Variants in ATP10B observed in about 807,000 individuals in gnomAD.
ATP10B encodes the protein phospholipid-transporting ATPase VB.
Under a neutral mutation model 141.2 loss-of-function variants are expected in ATP10B, and 122 were observed. The ratio of observed to expected loss-of-function variants is 0.86; its 90% CI spans 0.75 to 1.00. The LOEUF (loss-of-function observed/expected upper bound fraction) is 1.00. ATP10B is among the 50% of genes least tolerant of loss of function. ATP10B has a pLI of 0.00. For synonymous variants in ATP10B, 685 were observed against 692.0 expected, an observed-to-expected ratio of 0.99 and a Z score of 0.16; for missense variants, 1,876 against 1,825.3, an observed-to-expected ratio of 1.03 and a Z score of -0.51.
chr5:160,755,648 T>C (rs1768475498), intron 2 of ATP10B, among the ~76,000 whole-genome samples: 2 of 148,450 alleles, frequency 1.3e-5, no homozygotes, highest in African/African-American at 4.9e-5. Context: ...ACCCCGTCTC[T>C]ACTAAAAATA....
At chr5:160,893,465 G>C in the ATP10B span, among the ~76,000 whole-genome samples, 5 of 152,152 alleles carry the variant, frequency 3.3e-5, no homozygotes, top group African/African-American at 7.2e-5. Flanking sequence ...CTGCAGCGAT[G>C]CATAGCCACT....
intron 12 of ATP10B, chr5:160,634,080 C>T (rs1046111960): frequency 3.8e-5 from 20 of 526,018 alleles, no homozygotes; most frequent in Non-Finnish European, 6.2e-5. Flanking sequence ...AAACTCGTCT[C>T]ATAAAGTGCT....
At chr5:160,861,635 A>G in the ATP10B span, among the ~76,000 whole-genome samples, 1 of 151,878 alleles carries the variant, frequency 6.6e-6, no homozygotes, top group African/African-American at 2.4e-5. Context: ...GAAGACATTC[A>G]TAATTATTTA....
At chr5:160,782,252 C>A (rs931038238) in intron 2 of ATP10B, among the ~76,000 whole-genome samples, 2 of 152,134 alleles carry the variant, frequency 1.3e-5, no homozygotes, top group African/African-American at 4.8e-5. Flanking sequence ...GAACTGGCTC[C>A]TGCCCACAGG....
At chr5:160,652,310 G>A (rs1760797852) in intron 7 of ATP10B, among the ~76,000 whole-genome samples, 1 of 151,952 alleles carries the variant, frequency 6.6e-6, no homozygotes, top group Non-Finnish European at 1.5e-5. Flanking sequence ...CCTGCTGGCT[G>A]CAAAGACAAC....
At chr5:160,794,612 G>A (rs1771813724) in intron 1 of ATP10B, among the ~76,000 whole-genome samples, 1 of 152,146 alleles carries the variant, frequency 6.6e-6, no homozygotes, top group African/African-American at 2.4e-5. Context: ...TTTTGCAACA[G>A]AGGAAGCCTC....
At chr5:160,679,732 TGAATA>T (rs1763261643) in intron 6 of ATP10B, among the ~76,000 whole-genome samples, 1 of 152,226 alleles carries the variant, frequency 6.6e-6, no homozygotes. Context: ...GCTGAATAGA[TGAATA>T]AGTGAGTGAC....
chr5:160,750,187 C>T (rs990417069), intron 2 of ATP10B, among the ~76,000 whole-genome samples: 2 of 152,204 alleles, frequency 1.3e-5, no homozygotes, highest in Non-Finnish European at 2.9e-5. Flanking sequence ...TAGAATCACT[C>T]ATGCCATGTC....
intron 25 of ATP10B, among the ~76,000 whole-genome samples, chr5:160,567,567 G>A (rs1464576938): frequency 6.6e-6 from 1 of 152,126 alleles, no homozygotes; most frequent in African/African-American, 2.4e-5. Context: ...TAGTGGCTTG[G>A]GGGAAAGGTT....
At chr5:160,656,412 C>T (rs1478284322) in intron 7 of ATP10B, among the ~76,000 whole-genome samples, 1 of 152,172 alleles carries the variant, frequency 6.6e-6, no homozygotes, top group East Asian at 1.9e-4. Flanking sequence ...GTAATTCCTG[C>T]TACCAAGCTG....
At chr5:160,667,911 C>T (rs1290285172) in intron 7 of ATP10B, among the ~76,000 whole-genome samples, 3 of 151,970 alleles carry the variant, frequency 2.0e-5, no homozygotes, top group African/African-American at 7.3e-5. Context: ...AGTTTTACTG[C>T]TCCTAGAACT....
At chr5:160,678,552 G>A (rs150665428) in intron 6 of ATP10B, among the ~76,000 whole-genome samples, 2,074 of 152,190 alleles carry the variant, frequency 0.014, 42 homozygotes, top group African/African-American at 0.046. Context: ...CCAGCTACTC[G>A]GGAGGCTGAG....
chr5:160,804,691 C>T (rs1412592211), intron 1 of ATP10B, among the ~76,000 whole-genome samples: 1 of 152,144 alleles, frequency 6.6e-6, no homozygotes, highest in African/African-American at 2.4e-5. Context: ...CTGTGAGCTC[C>T]AGATTCAGTC....
chr5:160,895,828 C>T, the ATP10B span, among the ~76,000 whole-genome samples: 13 of 152,174 alleles, frequency 8.5e-5, no homozygotes, highest in South Asian at 8.3e-4. Context: ...TGCAAAAGAA[C>T]GGAAATCATA....
At chr5:160,606,017 G>T (rs982701703) in intron 19 of ATP10B, among the ~76,000 whole-genome samples, 7 of 152,020 alleles carry the variant, frequency 4.6e-5, no homozygotes, top group African/African-American at 1.7e-4. Context: ...AGTGAGAGAG[G>T]ACAAGGCCCA....
chr5:160,635,154 A>C (rs1759265801), intron 11 of ATP10B, among the ~76,000 whole-genome samples: 1 of 146,366 alleles, frequency 6.8e-6, no homozygotes. Context: ...TAAAGAAAAG[A>C]GGGTAGACTG....
Position 160,748,548 on chromosome 5 carries a change from C to T in ATP10B, c.-330-31514G>A, listed in dbSNP as rs558494340. Among the ~76,000 whole-genome samples, 14 of 152,326 alleles carry T rather than the reference C, an allele frequency of 9.2e-5. No individual in the cohort carries two copies. In the East Asian group the frequency reaches 1.4e-3, roughly 15 times the overall value. On this transcript the variant is annotated intron_variant, in intron 2 of 25. Transcript: ENST00000327245. ...CTCTAGTTCTCCTGCCTCCTGCTCT[C>T]GGCCTGCAGAGAGGGCTGCCCACTC... is the stretch of plus-strand genomic sequence containing the variant.
chr5:160,617,843 G>A (rs573818175), intron 16 of ATP10B, 21 bp downstream of exon 16: 13 of 1,587,670 alleles, frequency 8.2e-6, no homozygotes, highest in East Asian at 2.2e-5. Context: ...TTCAAAGCAC[G>A]CTTGGAGGAA....
At chr5:160,911,822 ATAGTATTGCTCC>A in the ATP10B span, among the ~76,000 whole-genome samples, 4 of 152,342 alleles carry the variant, frequency 2.6e-5, no homozygotes, top group East Asian at 7.7e-4. Flanking sequence ...AAAAAATACA[ATAGTATTGCTCC>A]TACCTCATCC....
Sources: gnomAD v4.1 joint callset for allele counts (sites outside exome capture counted in the v4.1 genomes callset) on GRCh38, gnomAD v4.1.1 for gene constraint, MANE v1.5 for transcripts, NCBI Gene and HGNC (gene_info 2026-07-23, HGNC 2026-07-21) for gene names.